The following CCDC148 variants were observed in gnomAD, a reference collection of about 807,000 sequenced individuals.
CCDC148 encodes coiled-coil domain containing 148.
A neutral mutation model predicts 85.7 loss-of-function variants in CCDC148; 89 were observed. The observed-to-expected ratio is 1.04, with a 90% CI of 0.87 to 1.24. The LOEUF (loss-of-function observed/expected upper bound fraction) is 1.24. Ranked by LOEUF, CCDC148 falls within the 50% of genes most tolerant of loss-of-function variation. The pLI is 0.00. For synonymous variants in CCDC148, 230 were observed against 213.9 expected, an observed-to-expected ratio of 1.08 and a Z score of -0.66; for missense variants, 692 against 671.7, an observed-to-expected ratio of 1.03 and a Z score of -0.33.
chr2:158,412,821 AAG>A (rs1362277789), intron 1 of CCDC148, among the ~76,000 whole-genome samples: 4 of 136,596 alleles, frequency 2.9e-5, no homozygotes, highest in African/African-American at 1.1e-4. Flanking sequence ...ATAGCAATAT[AAG>A]TATTTATTAT....
intron 1 of CCDC148, among the ~76,000 whole-genome samples, chr2:158,397,052 T>C (rs993323784): frequency 1.3e-5 from 2 of 151,932 alleles, no homozygotes; most frequent in African/African-American, 4.8e-5. Flanking sequence ...CGGTGCAAAA[T>C]GAAGTGAGAG....
chr2:158,455,655 A>G (rs1279854186), intron 1 of CCDC148, among the ~76,000 whole-genome samples: 2 of 152,188 alleles, frequency 1.3e-5, no homozygotes, highest in East Asian at 3.8e-4. Flanking sequence ...TACTAAAGAG[A>G]TTAGTCTAAA....
intron 1 of CCDC148, among the ~76,000 whole-genome samples, chr2:158,429,294 A>T (rs1687223353): frequency 6.6e-6 from 1 of 152,272 alleles, no homozygotes; most frequent in East Asian, 1.9e-4. Context: ...ATAATAATAA[A>T]AAAATAAGTT....
chr2:158,316,035 G>C (rs934488838), intron 7 of CCDC148, among the ~76,000 whole-genome samples: 1 of 152,126 alleles, frequency 6.6e-6, no homozygotes, highest in African/African-American at 2.4e-5. Context: ...CTCTTGTTTA[G>C]GAATCCCTGT....
chr2:158,408,769 A>T (rs1193509028), intron 1 of CCDC148, among the ~76,000 whole-genome samples: 4 of 151,836 alleles, frequency 2.6e-5, no homozygotes, highest in Admixed American at 6.6e-5. Context: ...ATATATATAT[A>T]TTTTTTCCAT....
At chr2:158,395,635 C>A (rs1044342343) in intron 1 of CCDC148, among the ~76,000 whole-genome samples, 1 of 152,090 alleles carries the variant, frequency 6.6e-6, no homozygotes, top group Non-Finnish European at 1.5e-5. Context: ...CCTTTCCCTG[C>A]CTATGTGAGA....
chr2:158,447,204 A>G (rs1225305051), intron 1 of CCDC148: 1 of 152,158 alleles, frequency 6.6e-6, no homozygotes, highest in East Asian at 1.9e-4. Flanking sequence ...ACGGGCGTGC[A>G]GTGGTATCGA....
chr2:158,378,167 C>T (rs1158419212), intron 1 of CCDC148, among the ~76,000 whole-genome samples: 1 of 152,070 alleles, frequency 6.6e-6, no homozygotes, highest in Non-Finnish European at 1.5e-5. Context: ...AGGGCTACTC[C>T]AGTAAACATG....
chr2:158,342,265 G>T (rs1682753832), intron 3 of CCDC148, among the ~76,000 whole-genome samples: 1 of 151,624 alleles, frequency 6.6e-6, no homozygotes, highest in South Asian at 2.1e-4. Context: ...CCTGACCTCA[G>T]GTGATCCACC....
intron 11 of CCDC148, among the ~76,000 whole-genome samples, chr2:158,191,075 G>A (rs754730616): frequency 2.0e-5 from 3 of 151,866 alleles, no homozygotes; most frequent in South Asian, 2.1e-4. Context: ...ATTGGTCCTC[G>A]TTTTTCTGGA....
intron 2 of CCDC148, among the ~76,000 whole-genome samples, chr2:158,352,444 G>A (rs1425789485): frequency 2.0e-5 from 3 of 152,204 alleles, no homozygotes; most frequent in South Asian, 4.1e-4. Context: ...AGCCTCAGGA[G>A]CCAATGCGAT....
chr2:158,194,016 TAAAA>T (rs1162384195), intron 11 of CCDC148, among the ~76,000 whole-genome samples: 1 of 142,046 alleles, frequency 7.0e-6, no homozygotes. Context: ...TAAAGTATAA[TAAAA>T]AAAAAAAATT....
rs1380885233 is a variant in CCDC148, at chr2:158,358,453, A to G, written c.143T>C (p.Leu48Pro). 6.2e-7 allele frequency: 1 copy of G among 1,605,630 alleles called. No individual in the cohort carries two copies. ...AKKLASASAK[L>P]KIRKAMLTSK... ...CATACACACACAACTTCTAACCTTT[A>G]GCTTTGCAGAGGCAGAAGCCAATTT... Residue 48 changes from leucine (L) to proline (P), a missense_variant, in exon 2 of 14, where the codon CTA (leucine) becomes CCA (proline). Coordinates refer to ENST00000283233, the MANE Select transcript of CCDC148 (RefSeq NM_138803.4).
chr2:158,193,464 C>T (rs1171571999), intron 11 of CCDC148, among the ~76,000 whole-genome samples: 1 of 151,934 alleles, frequency 6.6e-6, no homozygotes, highest in African/African-American at 2.4e-5. Flanking sequence ...GATTAGTGTG[C>T]ACCAAAAGCT....
At chr2:158,179,767 T>C (rs1369858583) in intron 11 of CCDC148, among the ~76,000 whole-genome samples, 3 of 152,214 alleles carry the variant, frequency 2.0e-5, no homozygotes, top group Non-Finnish European at 2.9e-5. Flanking sequence ...ACTTTACATA[T>C]ATTGTCATCT....
chr2:158,455,786 A>C (rs2105354849), intron 1 of CCDC148, among the ~76,000 whole-genome samples: 1 of 152,312 alleles, frequency 6.6e-6, no homozygotes. Flanking sequence ...CTAAACATAA[A>C]ATTTATTGAC....
chr2:158,275,113 C>A (rs896838721), intron 9 of CCDC148, among the ~76,000 whole-genome samples: 1 of 152,226 alleles, frequency 6.6e-6, no homozygotes, highest in East Asian at 1.9e-4. Context: ...GAGCAGCATT[C>A]TCCCCTTCAT....
intron 8 of CCDC148, among the ~76,000 whole-genome samples, chr2:158,310,029 G>C (rs1691900967): frequency 6.6e-6 from 1 of 152,212 alleles, no homozygotes; most frequent in Non-Finnish European, 1.5e-5. Flanking sequence ...AGATAAACAT[G>C]TGAACAAAGG....
At chr2:158,194,176 T>C (rs918833361) in intron 11 of CCDC148, among the ~76,000 whole-genome samples, 1 of 152,116 alleles carries the variant, frequency 6.6e-6, no homozygotes, top group Non-Finnish European at 1.5e-5. Flanking sequence ...TGGCAATTTT[T>C]TTAAAATTTA....
Sources: gnomAD v4.1 joint callset for allele counts (sites outside exome capture counted in the v4.1 genomes callset) on GRCh38, gnomAD v4.1.1 for gene constraint, MANE v1.5 for transcripts, NCBI Gene and HGNC (gene_info 2026-07-23, HGNC 2026-07-21) for gene names.